The following ZNF211 variants were observed in gnomAD, a reference collection of about 807,000 sequenced individuals.
ZNF211 encodes zinc finger protein 211.
Under a neutral mutation model 12.1 loss-of-function variants are expected in ZNF211, and 18 were observed. The observed-to-expected ratio is 1.48, with a 90% CI of 1.03 to 2.20. The LOEUF (loss-of-function observed/expected upper bound fraction) is 2.20. Ranked by LOEUF, ZNF211 falls within the 30% of genes most tolerant of loss-of-function variation. The pLI, the probability that ZNF211 is intolerant of heterozygous loss-of-function variation, is 0.00. For missense variants in ZNF211, 677 were observed against 703.1 expected, an observed-to-expected ratio of 0.96 and a Z score of 0.42; for synonymous variants, 249 against 246.0, an observed-to-expected ratio of 1.01 and a Z score of -0.11.
At chr19:57,638,667 A>C (rs972294561) in intron 3 of ZNF211, among the ~76,000 whole-genome samples, 1 of 152,332 alleles carries the variant, frequency 6.6e-6, no homozygotes, top group Non-Finnish European at 1.5e-5. Flanking sequence ...TTTGGTACAC[A>C]TGAGGGGAAT....
intron 2 of ZNF211, chr19:57,634,371 G>C: frequency 2.1e-6 from 1 of 468,014 alleles, no homozygotes; most frequent in Non-Finnish European, 3.6e-6. Flanking sequence ...TGTGAAGTTT[G>C]GCATCTATTG....
At chr19:57,634,868 T>A in intron 3 of ZNF211, 113 bp downstream of exon 3, 2 of 1,327,704 alleles carry the variant, frequency 1.5e-6, no homozygotes, top group Non-Finnish European at 1.9e-6. Context: ...CCTTCCCCAG[T>A]TCCCTGGGTA....
chr19:57,641,222 C>A lies in ZNF211; in HGVS notation c.775C>A (p.Gln259Lys). 2 of 1,614,216 alleles carry A rather than the reference C, an allele frequency of 1.2e-6. No individual in the cohort carries two copies. The highest frequency in any genetic ancestry group is 2.2e-5 in the South Asian group (2 of 91,082). The change falls in exon 4 of 4, where the codon CAG becomes AAG. Residue 259 changes from glutamine to lysine, a missense_variant. Transcript: ENST00000240731. ...KAFSHIDTLV[Q>K]DQRILTREGL... ...CTTTAGCCACATAGACACACTTGTT[C>A]AGGACCAGAGAATCCTCACTAGAGA...
Position 57,642,526 on chromosome 19 carries a change from C to T in ZNF211, c.*345C>T, listed in dbSNP as rs748034023. The T allele has an allele frequency of 7.7e-5, 16 of 207,398 alleles. No homozygotes were observed. The highest frequency in any genetic ancestry group is 5.0e-4 in the South Asian group (4 of 7,994). The allele number at this position is 207,398 out of a possible 1,614,324, so 12.8% of individuals were successfully genotyped here. ...CTTCTCCCCATTTGCTAGAAGAAAT[C>T]ATGAATAGTCTGAGTCTTCCTCTCT... On this transcript the variant is annotated 3_prime_UTR_variant, in exon 4 of 4. Coordinates refer to ENST00000240731, the MANE Select transcript of ZNF211 (RefSeq NM_006385.5).
intron 3 of ZNF211, chr19:57,640,168 G>A (rs1982707131): frequency 2.3e-6 from 3 of 1,322,328 alleles, no homozygotes; most frequent in African/African-American, 3.0e-5. Context: ...ACTCTTAACA[G>A]TTTACAAACT....
At chr19:57,639,419 T>TAC (rs1982586273) in intron 3 of ZNF211, among the ~76,000 whole-genome samples, 1 of 48,804 alleles carries the variant, frequency 2.0e-5, no homozygotes, top group Non-Finnish European at 4.7e-5. Context: ...TTTTTTTTTT[T>TAC]TTTTTTTTTT....
Position 57,642,081 on chromosome 19 carries a change from C to G in ZNF211, c.1634C>G (p.Thr545Arg). The G allele has an allele frequency of 6.2e-7, 1 of 1,614,104 alleles. No individual in the cohort carries two copies. The highest frequency in any genetic ancestry group is 8.5e-7 in the Non-Finnish European group (1 of 1,179,962). ...SSLIQHRRVH[T>R]GKRPYQCSQC... ...CTCATTCAACACCGCAGAGTTCACA[C>G]GGGAAAAAGGCCTTATCAGTGCAGT... The change falls in exon 4 of 4, where the codon ACG becomes AGG. Residue 545 changes from threonine (T) to arginine (R), a missense_variant. By Grantham distance (71) the Thr-to-Arg change is moderately conservative. Transcript: ENST00000240731.
chr19:57,638,991 T>C (rs963298302), intron 3 of ZNF211, among the ~76,000 whole-genome samples: 4 of 152,198 alleles, frequency 2.6e-5, no homozygotes, highest in African/African-American at 7.2e-5. Context: ...TGATTTAAAA[T>C]CTCTATTGTA....
chr19:57,641,966 T>G lies in ZNF211; in HGVS notation c.1519T>G (p.Ser507Ala). ...ATGTAGCAAATCCTTTAGCTGTAAA[T>G]CTAACCTCATTAAACACCTGAGAGT... is the stretch of plus-strand genomic sequence containing the variant. ...SECSKSFSCK[S>A]NLIKHLRVHT... Residue 507 changes from serine (S) to alanine (A), a missense_variant, in exon 4 of 4, where the codon TCT (serine) becomes GCT (alanine). Coordinates refer to ENST00000240731, the MANE Select transcript of ZNF211 (RefSeq NM_006385.5). The G allele has an allele frequency of 6.2e-7, 1 of 1,614,046 alleles. No individual in the cohort carries two copies. The highest frequency in any genetic ancestry group is 8.5e-7 in the Non-Finnish European group (1 of 1,179,990).
chr19:57,639,800 C>T (rs1982640332), intron 3 of ZNF211: 2 of 1,157,294 alleles, frequency 1.7e-6, no homozygotes, highest in African/African-American at 1.6e-5. Flanking sequence ...AAAGTTACAA[C>T]ACTCTAACTT....
At chr19:57,639,028 T>C (rs553053082) in intron 3 of ZNF211, among the ~76,000 whole-genome samples, 1 of 152,338 alleles carries the variant, frequency 6.6e-6, no homozygotes, top group South Asian at 2.1e-4. Context: ...ATTCTTACTC[T>C]TTTTTGCTTG....
At position 57,643,669 on chromosome 19, in the gene ZNF211, A is replaced by G. The variant is rs1449368273; in HGVS notation, c.*1488A>G. 6.6e-6 allele frequency among the ~76,000 whole-genome samples: 1 copy of G among 152,202 alleles called. No homozygotes were observed. Among genetic ancestry groups the G allele is most frequent in the Non-Finnish European group, 1.5e-5 (1 of 68,026 alleles). ...ATGTAGGGTTACCAAACCTAGTCAA[A>G]AACACATTATACCATCATTATAATT... On this transcript the variant is annotated 3_prime_UTR_variant, in exon 4 of 4. Transcript: ENST00000240731.
chr19:57,635,557 T>C (rs1982023270), intron 3 of ZNF211, among the ~76,000 whole-genome samples: 1 of 152,238 alleles, frequency 6.6e-6, no homozygotes, highest in African/African-American at 2.4e-5. Flanking sequence ...ATCCATGTTG[T>C]AATATATATC....
intron 3 of ZNF211, among the ~76,000 whole-genome samples, chr19:57,635,278 A>C (rs1981990976): frequency 6.6e-6 from 1 of 152,244 alleles, no homozygotes; most frequent in African/African-American, 2.4e-5. Flanking sequence ...TTACCATTTT[A>C]ATCATTTTCA....
rs1296877938 is a variant in ZNF211, at chr19:57,643,415, T to A, written c.*1234T>A. Among the ~76,000 whole-genome samples, 1 of 152,066 alleles carries A rather than the reference T, an allele frequency of 6.6e-6. No individual in the cohort carries two copies. Among genetic ancestry groups the A allele is most frequent in the Non-Finnish European group, 1.5e-5 (1 of 68,006 alleles). ...CAAAAAATAATAAACAACCTAAAGG[T>A]TTTGTGTATTCCAATAGCCTTTCTG... is the stretch of plus-strand genomic sequence containing the variant. On this transcript the variant is annotated 3_prime_UTR_variant, in exon 4 of 4. Coordinates refer to ENST00000240731, the MANE Select transcript of ZNF211 (RefSeq NM_006385.5).
rs201728486 is a variant in ZNF211 at position 57,641,286 on chromosome 19, C to T, written c.839C>T (p.Thr280Met). The T allele has an allele frequency of 2.0e-4, 319 of 1,614,116 alleles. 1 individual carries two copies. Among genetic ancestry groups the T allele is most frequent in the Admixed American group, 1.0e-3 (60 of 60,028 alleles). Residue 280 changes from threonine (T) to methionine (M), a missense_variant, in exon 4 of 4, where the codon ACG (threonine) becomes ATG (methionine). Coordinates refer to ENST00000240731, the MANE Select transcript of ZNF211 (RefSeq NM_006385.5). Reference sequence around the variant, plus strand: ...TGCAGTAAATGTGGGAAAGCATGTACGCGAAGATGTAACCTCATTCAGCAC... The same window carrying T: ...TGCAGTAAATGTGGGAAAGCATGTATGCGAAGATGTAACCTCATTCAGCAC... ...FECSKCGKAC[T>M]RRCNLIQHQK... is the part of the protein sequence containing the mutation.
At position 57,640,791 on chromosome 19, in the gene ZNF211, A is replaced by G. The variant is rs754419613; in HGVS notation, c.344A>G (p.Glu115Gly). Residue 115 changes from glutamate (E) to glycine (G), a missense_variant, in exon 4 of 4, where the codon GAA (glutamate) becomes GGA (glycine). Transcript: ENST00000240731. The part of the protein sequence containing the change: ...ERVPQFRTSK[E>G]GSSSQNADSC... ...GTGCCACAGTTCAGGACTTCCAAAG[A>G]AGGTTCATCTTCCCAGAATGCCGAC... The G allele has an allele frequency of 5.6e-6, 9 of 1,614,050 alleles. No individual in the cohort carries two copies.
rs1981655437 is a variant in ZNF211, at chr19:57,633,299, C to T, written c.-48C>T. On this transcript the variant is annotated 5_prime_UTR_variant, in exon 1 of 4. Transcript: ENST00000240731. Reference sequence around the variant, plus strand: ...GACCGTGAAGGCGCGAGAGTCAGGTCTGAGGGTCGGGGGCAGAGCCGCCCG... The same window carrying T: ...GACCGTGAAGGCGCGAGAGTCAGGTTTGAGGGTCGGGGGCAGAGCCGCCCG... The T allele has an allele frequency of 1.3e-6, 2 of 1,490,536 alleles. No homozygotes were observed. The highest frequency in any genetic ancestry group is 2.8e-5 in the African/African-American group (2 of 71,770). 92.3% of individuals were successfully genotyped at this position (1,490,536 alleles called of 1,614,324 possible). A position where few individuals can be genotyped will look rare whatever the true frequency, so the allele number is the denominator to read the frequency against.
Position 57,640,877 on chromosome 19 carries a change from A to G in ZNF211, c.430A>G (p.Thr144Ala). 2 of 1,614,260 alleles carry G rather than the reference A, an allele frequency of 1.2e-6. No homozygotes were observed. Among genetic ancestry groups the G allele is most frequent in the Non-Finnish European group, 1.7e-6 (2 of 1,180,050 alleles). Residue 144 changes from threonine to alanine, a missense_variant, in exon 4 of 4, where the codon ACA (threonine) becomes GCA (alanine). Physicochemically the swap from Thr to Ala is moderately conservative, Grantham distance 58. Coordinates refer to ENST00000240731, the MANE Select transcript of ZNF211 (RefSeq NM_006385.5). The part of the protein sequence containing the change: ...DILHLAEHQG[T>A]NCGQKLHTCG... ...TTTGCACTTGGCTGAACACCAAGGA[A>G]CAAACTGCGGGCAGAAACTACACAC...
Sources: gnomAD v4.1 joint callset for allele counts (sites outside exome capture counted in the v4.1 genomes callset) on GRCh38, gnomAD v4.1.1 for gene constraint, MANE v1.5 for transcripts, NCBI Gene and HGNC (gene_info 2026-07-23, HGNC 2026-07-21) for gene names.